Variants in IL17F observed in about 807,000 individuals in gnomAD.
The protein encoded by IL17F is interleukin-17F.
IL17F carries 6 observed loss-of-function variants against 8.3 expected under a neutral mutation model. The ratio of observed to expected loss-of-function variants is 0.73; its 90% confidence interval spans 0.40 to 1.43. The LOEUF is 1.43. Among genes scored for constraint, IL17F ranks in the 40% most tolerant of loss-of-function variants. IL17F has a pLI of 0.02. For missense variants in IL17F, 204 were observed against 209.6 expected (o/e 0.97, Z 0.17); for synonymous variants, 98 against 81.6 (o/e 1.20, Z -1.08).
intron 1 of IL17F, among the ~76,000 whole-genome samples, chr6:52,243,250 C>T (rs1764102830): frequency 6.6e-6 from 1 of 152,114 alleles, no homozygotes; most frequent in Non-Finnish European, 1.5e-5. Context: ...TTATCTAAGC[C>T]AATAATATGA....
At position 52,236,995 on chromosome 6, in the gene IL17F, A is replaced by C. The variant is rs774103459; in HGVS notation, c.428T>G (p.Leu143Trp). 1.2e-5 allele frequency: 20 copies of C among 1,614,086 alleles called. No homozygotes were observed. The highest frequency in any genetic ancestry group is 1.7e-5 in the Admixed American group (1 of 60,002). ...KHQGCSVSFQ[L>W]EKVLVTVGCT... is the part of the protein sequence containing the mutation. ...GCCAACAGTCACCAGCACCTTCTCC[A>C]ACTGGAAAGAAACAGAGCAGCCTTG... The change falls in exon 3 of 3, where the codon TTG (leucine) becomes TGG (tryptophan). Residue 143 changes from leucine to tryptophan, a missense_variant. Transcript: ENST00000336123.
upstream of IL17F, chr6:52,244,600 G>A (rs539386928): frequency 1.8e-4 from 112 of 632,026 alleles, no homozygotes; most frequent in East Asian, 2.5e-3. Context: ...AGTTACTGAC[G>A]AATGCAGGGG....
Position 52,236,837 on chromosome 6 carries a change from T to C in IL17F, c.*94A>G, listed in dbSNP as rs1763967893. 2.2e-6 allele frequency: 2 copies of C among 924,824 alleles called. No individual in the cohort carries two copies. Among genetic ancestry groups the C allele is most frequent in the Non-Finnish European group, 3.6e-6 (2 of 552,924 alleles). The allele number at this position is 924,824 out of a possible 1,614,324, so 57.3% of individuals were successfully genotyped here. On this transcript the variant is annotated 3_prime_UTR_variant, in exon 3 of 3. Coordinates refer to ENST00000336123, the MANE Select transcript of IL17F (RefSeq NM_052872.4). ...AGGTCTTATTAAGAGTCCTGTGAAG[T>C]GGAGGGAATTGGGGGTCAGACAGGA...
intron 1 of IL17F, among the ~76,000 whole-genome samples, chr6:52,240,959 A>G (rs1249630441): frequency 6.6e-6 from 1 of 152,228 alleles, no homozygotes; most frequent in African/African-American, 2.4e-5. Flanking sequence ...GCATATGATA[A>G]GTATCCAATA....
intron 1 of IL17F, among the ~76,000 whole-genome samples, chr6:52,240,085 C>T (rs1043700059): frequency 1.3e-5 from 2 of 152,184 alleles, no homozygotes; most frequent in Admixed American, 1.3e-4. Context: ...CCCACCATTG[C>T]CACTGACCCT....
At position 52,236,890 on chromosome 6, in the gene IL17F, G is replaced by T. The variant is rs1356392641; in HGVS notation, c.*41C>A. On this transcript the variant is annotated 3_prime_UTR_variant, in exon 3 of 3. Coordinates refer to ENST00000336123, the MANE Select transcript of IL17F (RefSeq NM_052872.4). ...TGTTGCAGAGCACTGGGTAAGGAGT[G>T]GCATTTCTACAGCTTCTTCAGCTGA... 4 of 1,501,788 alleles carry T rather than the reference G, an allele frequency of 2.7e-6. No individual in the cohort carries two copies. Among genetic ancestry groups the T allele is most frequent in the Non-Finnish European group, 3.7e-6 (4 of 1,077,936 alleles). 93.0% of individuals were successfully genotyped at this position (1,501,788 alleles called of 1,614,324 possible).
At chr6:52,243,373 C>T (rs1764104750) in intron 1 of IL17F, among the ~76,000 whole-genome samples, 1 of 152,158 alleles carries the variant, frequency 6.6e-6, no homozygotes, top group South Asian at 2.1e-4. Context: ...ATTTTCATTG[C>T]ATTAACATCT....
rs541568544 is a variant in IL17F at position 52,236,982 on chromosome 6, C to T, written c.441G>A (p.Leu147=). 9.9e-6 allele frequency: 16 copies of T among 1,614,196 alleles called. No individual in the cohort carries two copies. The highest frequency in any genetic ancestry group is 1.3e-5 in the Non-Finnish European group (15 of 1,180,022). The change falls in exon 3 of 3, where the codon CTG becomes CTA. Residue 147 remains leucine (L), a synonymous_variant. Transcript: ENST00000336123. ...TGACGCAGGTGCAGCCAACAGTCAC[C>T]AGCACCTTCTCCAACTGGAAAGAAA... is the stretch of plus-strand genomic sequence containing the variant. ...CSVSFQLEKV[L]VTVGCTCVTP...
At chr6:52,243,515 C>G (rs1016689443) in intron 1 of IL17F, among the ~76,000 whole-genome samples, 2 of 152,198 alleles carry the variant, frequency 1.3e-5, no homozygotes, top group Non-Finnish European at 2.9e-5. Flanking sequence ...CAGGGCACTC[C>G]TGTAATCTCA....
chr6:52,239,733 G>C (rs1764036715), intron 1 of IL17F, among the ~76,000 whole-genome samples: 1 of 152,198 alleles, frequency 6.6e-6, no homozygotes, highest in African/African-American at 2.4e-5. Context: ...CTTTTGGAAT[G>C]AATGAGTGAA....
At chr6:52,237,389 A>G (rs1345947901) in intron 2 of IL17F, among the ~76,000 whole-genome samples, 1 of 152,152 alleles carries the variant, frequency 6.6e-6, no homozygotes, top group Non-Finnish European at 1.5e-5. Context: ...ATTTTCATAT[A>G]CCATTTTCTC....
intron 1 of IL17F, among the ~76,000 whole-genome samples, chr6:52,242,494 C>T (rs1764092291): frequency 1.3e-5 from 2 of 152,210 alleles, no homozygotes; most frequent in South Asian, 4.1e-4. Flanking sequence ...TTGCTGACAA[C>T]CCAACAGATT....
At chr6:52,243,824 G>A (rs1477211700) in intron 1 of IL17F, among the ~76,000 whole-genome samples, 5 of 152,004 alleles carry the variant, frequency 3.3e-5, no homozygotes, top group East Asian at 1.9e-4. Context: ...GTGCAGTGGC[G>A]TGATCTTGGC....
intron 1 of IL17F, 78 bp from the exon 2 acceptor site, chr6:52,239,028 C>T (rs1486814432): frequency 1.6e-6 from 2 of 1,274,980 alleles, no homozygotes; most frequent in African/African-American, 1.5e-5. Flanking sequence ...TGGCGGAACT[C>T]AGCATTCCTG....
At chr6:52,244,737 G>T (rs899219575), upstream of IL17F, among the ~76,000 whole-genome samples, 1 of 151,988 alleles carries the variant, frequency 6.6e-6, no homozygotes, top group African/African-American at 2.4e-5. Context: ...ACAAATCAGA[G>T]CAAAATTTTT....
At chr6:52,243,161 A>G (rs1469210375) in intron 1 of IL17F, among the ~76,000 whole-genome samples, 1 of 152,190 alleles carries the variant, frequency 6.6e-6, no homozygotes, top group Non-Finnish European at 1.5e-5. Context: ...AAAACATACC[A>G]TTGCTATATG....
upstream of IL17F, among the ~76,000 whole-genome samples, chr6:52,245,056 C>T (rs913080484): frequency 6.6e-6 from 1 of 152,200 alleles, no homozygotes; most frequent in Non-Finnish European, 1.5e-5. Flanking sequence ...TGGTTAGACT[C>T]CTACTGGTGC....
chr6:52,236,937 C>A lies in IL17F; in HGVS notation c.486G>T (p.Val162=), dbSNP rs1191105839. 1 of 1,613,254 alleles carries A rather than the reference C, an allele frequency of 6.2e-7. No individual in the cohort carries two copies. The highest frequency in any genetic ancestry group is 8.5e-7 in the Non-Finnish European group (1 of 1,179,206). Residue 162 remains valine, a synonymous_variant, in exon 3 of 3, where the codon GTG becomes GTT. Coordinates refer to ENST00000336123, the MANE Select transcript of IL17F (RefSeq NM_052872.4). ...CTCVTPVIHH[V]Q is the part of the protein sequence containing the mutation. ...CTGAGTGGATATGCACCTCTTACTG[C>A]ACATGGTGGATGACAGGGGTGACGC...
At chr6:52,244,115 G>A (rs1764119978) in intron 1 of IL17F, among the ~76,000 whole-genome samples, 1 of 151,858 alleles carries the variant, frequency 6.6e-6, no homozygotes, top group South Asian at 2.1e-4. Flanking sequence ...GGCTGGTCTC[G>A]AACTCCTGAA....
Sources: gnomAD v4.1 joint callset for allele counts (sites outside exome capture counted in the v4.1 genomes callset) on GRCh38, gnomAD v4.1.1 for gene constraint, MANE v1.5 for transcripts, NCBI Gene and HGNC (gene_info 2026-07-23, HGNC 2026-07-21) for gene names.